NDST4: variants seen among roughly 807,000 people sequenced by gnomAD.
NDST4 encodes the protein N-heparan sulfate sulfotransferase 4.
NDST4 carries 63 observed loss-of-function variants against 100.8 expected under a neutral mutation model. The ratio of observed to expected loss-of-function variants is 0.62; its 90% CI spans 0.51 to 0.77. The LOEUF is 0.77. Among genes scored for constraint, NDST4 ranks in the 30% least tolerant of loss-of-function variants. The probability of loss-of-function intolerance (pLI) is 0.00; values close to 1 mark genes in which losing one functional copy is unlikely to be tolerated. For missense variants in NDST4, 943 were observed against 1,018.4 expected (o/e 0.93, Z 1.01); for synonymous variants, 377 against 361.8 (o/e 1.04, Z -0.48).
chr4:115,098,009 C>T (rs514133), intron 1 of NDST4, among the ~76,000 whole-genome samples: 3 of 151,984 alleles, frequency 2.0e-5, no homozygotes, highest in Non-Finnish European at 2.9e-5. Context: ...TCCGGTTTCC[C>T]GGTGCAAAAT....
intron 3 of NDST4, among the ~76,000 whole-genome samples, chr4:114,975,774 T>A (rs1258703129): frequency 6.6e-6 from 1 of 152,100 alleles, no homozygotes; most frequent in African/African-American, 2.4e-5. Flanking sequence ...TCCCATAATT[T>A]TTCCCCCTGC....
At chr4:115,031,887 A>T (rs1393140330) in intron 2 of NDST4, among the ~76,000 whole-genome samples, 1 of 152,094 alleles carries the variant, frequency 6.6e-6, no homozygotes, top group Non-Finnish European at 1.5e-5. Context: ...GAAAAGTCCC[A>T]TGGAACATTC....
chr4:114,959,878 A>T (rs560068363), intron 4 of NDST4, among the ~76,000 whole-genome samples: 1 of 152,350 alleles, frequency 6.6e-6, no homozygotes, highest in Admixed American at 6.5e-5. Context: ...GTATTCAAAA[A>T]ATTATTTCCT....
intron 2 of NDST4, among the ~76,000 whole-genome samples, chr4:114,993,189 CT>C (rs1727077723): frequency 6.6e-6 from 1 of 151,602 alleles, no homozygotes; most frequent in Non-Finnish European, 1.5e-5. Context: ...GCTTATTATT[CT>C]TTTTTAGATG....
chr4:114,884,075 G>A (rs986895529), intron 6 of NDST4, among the ~76,000 whole-genome samples: 2 of 152,074 alleles, frequency 1.3e-5, no homozygotes, highest in African/African-American at 4.8e-5. Context: ...AAGAATGCCA[G>A]AATGCTTATA....
chr4:115,064,108 A>G (rs1184143750), intron 2 of NDST4, among the ~76,000 whole-genome samples: 1 of 152,074 alleles, frequency 6.6e-6, no homozygotes, highest in African/African-American at 2.4e-5. Flanking sequence ...TTTAATTTGC[A>G]TTAAAAACAG....
Position 114,949,096 on chromosome 4 carries a change from C to T in NDST4, c.1222-11593G>A, listed in dbSNP as rs1052802111. ...TAATAATTAGAAACAAGGGTGATCA[C>T]TGAAACAGTGAAACTAAATTTTGTG... On this transcript the variant is annotated intron_variant, in intron 4 of 13. Coordinates refer to ENST00000264363, the MANE Select transcript of NDST4 (RefSeq NM_022569.3). Among the ~76,000 whole-genome samples, 9 of 152,058 alleles carry T rather than the reference C, an allele frequency of 5.9e-5. No homozygotes were observed. The East Asian group carries it at 1.7e-3, about 29-fold the overall frequency.
intron 6 of NDST4, among the ~76,000 whole-genome samples, chr4:114,903,974 G>A (rs933913291): frequency 2.6e-5 from 4 of 151,996 alleles, no homozygotes; most frequent in African/African-American, 9.7e-5. Context: ...GGATTTCTTT[G>A]AGGTTGTCAT....
intron 4 of NDST4, among the ~76,000 whole-genome samples, chr4:114,949,520 T>C (rs957227802): frequency 4.6e-5 from 7 of 152,058 alleles, no homozygotes; most frequent in Admixed American, 6.6e-5. Flanking sequence ...CAGTTTAAGA[T>C]TGCCAAAAGT....
At chr4:114,981,247 A>T (rs1247035215) in intron 2 of NDST4, among the ~76,000 whole-genome samples, 3 of 151,640 alleles carry the variant, frequency 2.0e-5, no homozygotes, top group Non-Finnish European at 4.4e-5. Context: ...GGAAGGAAGG[A>T]AGGAAGGAAG....
intron 12 of NDST4, among the ~76,000 whole-genome samples, chr4:114,831,988 G>C (rs1436579441): frequency 6.6e-6 from 1 of 152,104 alleles, no homozygotes; most frequent in East Asian, 1.9e-4. Flanking sequence ...CATCACTATA[G>C]TTATTAATTT....
rs112175972 is a variant in NDST4, at chr4:114,935,404, T to G, written c.1408-70A>C. On this transcript the variant is annotated intron_variant, in intron 5 of 13. Transcript: ENST00000264363. The stretch of plus-strand genomic sequence containing the variant: ...AAGAACTTCACCTGTGTCTCATAAC[T>G]TTAGAATCTGCAAATTGTAATTTCC... 2.0e-5 allele frequency: 27 copies of G among 1,355,542 alleles called. 1 individual carries two copies. Among genetic ancestry groups the G allele is most frequent in the African/African-American group, 1.6e-4 (11 of 66,872 alleles). 84.0% of individuals were successfully genotyped at this position (1,355,542 alleles called of 1,614,324 possible). A position where few individuals can be genotyped will look rare whatever the true frequency, so the allele number is the denominator to read the frequency against.
At chr4:114,896,681 T>C (rs576752482) in intron 6 of NDST4, among the ~76,000 whole-genome samples, 2 of 152,112 alleles carry the variant, frequency 1.3e-5, no homozygotes, top group East Asian at 3.9e-4. Flanking sequence ...AGAACACATA[T>C]TATTCTAGAA....
intron 1 of NDST4, among the ~76,000 whole-genome samples, chr4:115,098,840 C>A (rs1238542491): frequency 2.6e-5 from 4 of 152,176 alleles, no homozygotes; most frequent in African/African-American, 4.8e-5. Context: ...GCTAGGACCA[C>A]AAGCATGTGC....
Position 114,935,189 on chromosome 4 carries a change from A to G in NDST4, c.1536+17T>C. 6.4e-7 allele frequency: 1 copy of G among 1,572,956 alleles called. No homozygotes were observed. The highest frequency in any genetic ancestry group is 8.6e-7 in the Non-Finnish European group (1 of 1,162,588). ...AAATGCTAATCTTATTGTAAGGTGC[A>G]TACATAGAATACATACTGGGTTTAG... On this transcript the variant is annotated intron_variant, in intron 6 of 13. Transcript: ENST00000264363.
chr4:114,955,418 G>T (rs1001263343), intron 4 of NDST4, among the ~76,000 whole-genome samples: 6 of 152,210 alleles, frequency 3.9e-5, no homozygotes, highest in African/African-American at 1.4e-4. Context: ...CAAGGGGCCA[G>T]TTGCTAGGGG....
At chr4:115,054,505 A>G (rs1157667366) in intron 2 of NDST4, among the ~76,000 whole-genome samples, 1 of 152,190 alleles carries the variant, frequency 6.6e-6, no homozygotes, top group Non-Finnish European at 1.5e-5. Flanking sequence ...TAAAAAGTGC[A>G]ATGCTTATGT....
chr4:115,012,637 C>A (rs1727576696), intron 2 of NDST4, among the ~76,000 whole-genome samples: 1 of 151,788 alleles, frequency 6.6e-6, no homozygotes, highest in African/African-American at 2.4e-5. Flanking sequence ...TTGGAGGTTC[C>A]CCAAAAAATG....
intron 1 of NDST4, among the ~76,000 whole-genome samples, chr4:115,085,452 G>A (rs1729390914): frequency 6.6e-6 from 1 of 152,062 alleles, no homozygotes; most frequent in African/African-American, 2.4e-5. Context: ...TAATAATATG[G>A]TTTGGCTCTG....
Sources: allele counts gnomAD v4.1 joint callset (sites outside exome capture counted in the v4.1 genomes callset), GRCh38; gene constraint gnomAD v4.1.1; transcripts MANE v1.5; gene names NCBI Gene and HGNC (gene_info 2026-07-23, HGNC 2026-07-21).